Variants in ASPM observed in about 807,000 individuals in gnomAD.
The protein encoded by ASPM is assembly factor for spindle microtubules.
Under a neutral mutation model 366.4 loss-of-function variants are expected in ASPM, and 256 were observed. The ratio of observed to expected loss-of-function variants is 0.70; its 90% confidence interval spans 0.63 to 0.77. ASPM has a LOEUF of 0.77. Among genes scored for constraint, ASPM ranks in the 30% least tolerant of loss-of-function variants. The pLI, the probability that ASPM is intolerant of heterozygous loss-of-function variation, is 0.00. For missense variants in ASPM, 4,146 were observed against 4,090.4 expected, an observed-to-expected ratio of 1.01 and a Z score of -0.37; for synonymous variants, 1,414 against 1,342.9, an observed-to-expected ratio of 1.05 and a Z score of -1.16.
At position 197,133,420 on chromosome 1, in the gene ASPM, T is replaced by G. The variant is rs1210516223; in HGVS notation, c.2349A>C (p.Lys783Asn). Residue 783 changes from lysine (K) to asparagine (N), a missense_variant, in exon 6 of 28, where the codon AAA becomes AAC. Lys to Asn is a moderately conservative substitution (Grantham distance 94, BLOSUM62 0). Coordinates refer to ENST00000367409, the MANE Select transcript of ASPM (RefSeq NM_018136.5). ...TAGCTTCAATTTCAATTTCAAGCTT[T>G]TTAATAGCTTTAACCATTTTTTCAG... Reference protein sequence around the residue: ...FTSEKMVKAIKKLEIEIEARR... With the variant: ...FTSEKMVKAINKLEIEIEARR... 1.2e-6 allele frequency: 2 copies of G among 1,614,096 alleles called. No homozygotes were observed. The highest frequency in any genetic ancestry group is 4.5e-5 in the East Asian group (2 of 44,856).
Position 197,101,128 on chromosome 1 carries a change from T to C in ASPM, c.8123A>G (p.Tyr2708Cys), listed in dbSNP as rs2125093735. Residue 2708 changes from tyrosine (Y) to cysteine (C), a missense_variant, in exon 18 of 28, where the codon TAT (tyrosine) becomes TGT (cysteine). Physicochemically the swap from Tyr to Cys is radical, Grantham distance 194 (BLOSUM62 -2). Coordinates refer to ENST00000367409, the MANE Select transcript of ASPM (RefSeq NM_018136.5). Reference protein sequence around the residue: ...FYRMHRAKVDYETKKTAIVVI... With the variant: ...FYRMHRAKVDCETKKTAIVVI... ...CACAATTGCAGTTTTCTTTGTTTCA[T>C]AATCAACTTTGGCCCTGTGCATTCG... The C allele has an allele frequency of 2.5e-6, 4 of 1,612,300 alleles. No homozygotes were observed. The highest frequency in any genetic ancestry group is 1.1e-5 in the South Asian group (1 of 91,046).
rs754534772 is a variant in ASPM, at chr1:197,104,835, T to C, written c.4416A>G (p.Gln1472=). ...ATTCTTTATGCATTCTATACCATGA[T>C]TGTATGATAATAGCAGAATTTTCTT... is the stretch of plus-strand genomic sequence containing the variant. ...AKEENSAIII[Q]SWYRMHKELR... is the part of the protein sequence containing the mutation. Residue 1472 remains glutamine (Q), a synonymous_variant, in exon 18 of 28, where the codon CAA becomes CAG. Coordinates refer to ENST00000367409, the MANE Select transcript of ASPM (RefSeq NM_018136.5). 9 of 1,594,176 alleles carry C rather than the reference T, an allele frequency of 5.6e-6. No homozygotes were observed. Among genetic ancestry groups the C allele is most frequent in the Non-Finnish European group, 7.7e-6 (9 of 1,170,864 alleles).
At chr1:197,088,070 C>A (rs1656654909) in intron 26 of ASPM, 186 bp downstream of exon 26, 4 of 595,836 alleles carry the variant, frequency 6.7e-6, no homozygotes, top group South Asian at 4.7e-5. Flanking sequence ...AATTCAGTTT[C>A]TTTAATAGTC....
At chr1:197,086,444 T>C (rs1656590533) in intron 27 of ASPM, among the ~76,000 whole-genome samples, 1 of 152,160 alleles carries the variant, frequency 6.6e-6, no homozygotes, top group African/African-American at 2.4e-5. Context: ...GACTGGAGGT[T>C]GATATTTTGG....
Position 197,104,802 on chromosome 1 carries a change from T to C in ASPM, c.4449A>G (p.Lys1483=), listed in dbSNP as rs2878749. Reference sequence around the variant, plus strand: ...CAACACAAGATCTAATATAAATATATTTCCGTAATTCTTTATGCATTCTAT... The same window carrying C: ...CAACACAAGATCTAATATAAATATACTTCCGTAATTCTTTATGCATTCTAT... ...SWYRMHKELR[K]YIYIRSCVVI... The change falls in exon 18 of 28, where the codon AAA becomes AAG. Residue 1483 remains lysine, a synonymous_variant. Coordinates refer to ENST00000367409, the MANE Select transcript of ASPM (RefSeq NM_018136.5). The C allele has an allele frequency of 0.39, 615,769 of 1,577,952 alleles. 127,751 individuals are homozygous for C. The highest frequency in any genetic ancestry group is 0.43 in the Non-Finnish European group (504,529 of 1,165,034).
At chr1:197,090,467 A>G in intron 23 of ASPM, 79 bp from the exon 24 acceptor site, 3 of 1,124,720 alleles carry the variant, frequency 2.7e-6, no homozygotes, top group Non-Finnish European at 3.8e-6. Context: ...TTCACAATGT[A>G]AACATTTTCA....
At chr1:197,095,970 C>T (rs780087812) in intron 19 of ASPM, 28 bp downstream of exon 19, 3 of 1,573,590 alleles carry the variant, frequency 1.9e-6, no homozygotes, top group Admixed American at 3.4e-5. Context: ...AATACTTTTA[C>T]ACTCTCCACA....
chr1:197,113,749 C>T (rs1320916084), intron 17 of ASPM, among the ~76,000 whole-genome samples: 1 of 152,202 alleles, frequency 6.6e-6, no homozygotes, highest in East Asian at 1.9e-4. Context: ...TAATAACAAT[C>T]ATAGTATAAC....
intron 25 of ASPM, 66 bp downstream of exon 25, chr1:197,089,864 C>T (rs1656719307): frequency 1.3e-6 from 2 of 1,529,222 alleles, no homozygotes; most frequent in South Asian, 1.1e-5. Context: ...TGAGTAAACC[C>T]AAACTTAATT....
At chr1:197,095,179 A>T (rs901626079) in intron 19 of ASPM, among the ~76,000 whole-genome samples, 11 of 151,782 alleles carry the variant, frequency 7.2e-5, no homozygotes, top group African/African-American at 2.4e-4. Flanking sequence ...GCTACTAAAC[A>T]GTAAATCTTA....
At position 197,104,454 on chromosome 1, in the gene ASPM, T is replaced by C. The variant is rs1413319164; in HGVS notation, c.4797A>G (p.Arg1599=). 3 of 1,612,910 alleles carry C rather than the reference T, an allele frequency of 1.9e-6. No individual in the cohort carries two copies. The highest frequency in any genetic ancestry group is 2.5e-6 in the Non-Finnish European group (3 of 1,179,384). Residue 1599 remains arginine (R), a synonymous_variant, in exon 18 of 28, where the codon CGA becomes CGG. Transcript: ENST00000367409. ...CTTTCTTCATCTTCTTATATTTCTG[T>C]CGTTGTTGATGTTTTCTTACATGTG... ...FQAHVRKHQQ[R]QKYKKMKKAA...
Position 197,101,971 on chromosome 1 carries a change from A to T in ASPM, c.7280T>A (p.Phe2427Tyr). The change falls in exon 18 of 28, where the codon TTC (phenylalanine) becomes TAC (tyrosine). Residue 2427 changes from phenylalanine (F) to tyrosine (Y), a missense_variant. Phe to Tyr is a conservative substitution (Grantham distance 22). Around this residue, in one of 3 missense-constraint regions of ASPM, gnomAD observed 3,624 missense variants for 3,591.7 expected, o/e 1.01. Coordinates refer to ENST00000367409, the MANE Select transcript of ASPM (RefSeq NM_018136.5). Reference sequence around the variant, plus strand: ...AATAGTAGCTTTTTTGAGGGAAATGAATCTTCTCCTCACCAGTAATGATCT... The same window carrying T: ...AATAGTAGCTTTTTTGAGGGAAATGTATCTTCTCCTCACCAGTAATGATCT... Reference protein sequence around the residue: ...RFRSLLVRRRFISLKKATIFV... With the variant: ...RFRSLLVRRRYISLKKATIFV... 4 of 1,612,816 alleles carry T rather than the reference A, an allele frequency of 2.5e-6. No homozygotes were observed. The highest frequency in any genetic ancestry group is 3.4e-6 in the Non-Finnish European group (4 of 1,179,288).
chr1:197,139,905 T>A, intron 3 of ASPM, 34 bp from the exon 4 acceptor site: 2 of 1,435,154 alleles, frequency 1.4e-6, no homozygotes, highest in Non-Finnish European at 2.0e-6. Context: ...CTAAGAGCAT[T>A]AAAATACAAA....
chr1:197,128,358 A>AAAAC, intron 10 of ASPM, 132 bp downstream of exon 10: 1 of 942,472 alleles, frequency 1.1e-6, no homozygotes. Context: ...AAAAAAAAAA[A>AAAAC]CCTCAATTTT....
At chr1:197,135,353 T>C (rs979559516) in intron 4 of ASPM, 111 bp from the exon 5 acceptor site, 1 of 1,112,240 alleles carries the variant, frequency 9.0e-7, no homozygotes, top group Non-Finnish European at 1.4e-6. Flanking sequence ...CTGAACAATA[T>C]TTGCTTTTCT....
chr1:197,142,886 C>G lies in ASPM; in HGVS notation c.1366G>C (p.Glu456Gln), dbSNP rs199422141. 6.8e-6 allele frequency: 11 copies of G among 1,613,436 alleles called. No individual in the cohort carries two copies. The highest frequency in any genetic ancestry group is 9.3e-6 in the Non-Finnish European group (11 of 1,179,548). ...SPKAIFEELV[E>Q]MKSNYYSFIK... ...AAACTGTAGTAATTTGACTTCATTT[C>G]TACTAGTTCTTCAAAAATAGCTTTG... The change falls in exon 3 of 28, where the codon GAA (glutamate) becomes CAA (glutamine). Residue 456 changes from glutamate (E) to glutamine (Q), a missense_variant. Glu to Gln is a conservative substitution (Grantham distance 29). This residue lies in a region of ASPM where 3,624 missense variants were observed against 3,591.7 expected (regional missense o/e 1.01). Coordinates refer to ENST00000367409, the MANE Select transcript of ASPM (RefSeq NM_018136.5).
intron 13 of ASPM, among the ~76,000 whole-genome samples, chr1:197,123,583 A>G (rs890703221): frequency 1.3e-5 from 2 of 152,204 alleles, no homozygotes; most frequent in Non-Finnish European, 2.9e-5. Context: ...TACCATATTT[A>G]GCTATACATA....
chr1:197,135,301 A>G, intron 4 of ASPM, 59 bp from the exon 5 acceptor site: 1 of 1,517,550 alleles, frequency 6.6e-7, no homozygotes, highest in Non-Finnish European at 9.2e-7. Context: ...TGTACAATAT[A>G]CAGCAAAAGT....
In ASPM at chr1:197,124,956, C is replaced by T; in HGVS notation, c.3083-1G>A. ...ATATCCTTAGATAGAATTGTATTTCCTATAAAAGAAAAGGTTGTCCATTAG... is the reference window on the plus strand; with the variant it reads ...ATATCCTTAGATAGAATTGTATTTCTTATAAAAGAAAAGGTTGTCCATTAG... On this transcript the variant is annotated splice_acceptor_variant, in intron 11 of 27. Coordinates refer to ENST00000367409, the MANE Select transcript of ASPM (RefSeq NM_018136.5). LOFTEE classifies it high-confidence loss of function. 6.2e-7 allele frequency: 1 copy of T among 1,610,474 alleles called. No homozygotes were observed. The highest frequency in any genetic ancestry group is 8.5e-7 in the Non-Finnish European group (1 of 1,176,806).
Sources: allele counts gnomAD v4.1 joint callset (sites outside exome capture counted in the v4.1 genomes callset), GRCh38; gene constraint gnomAD v4.1.1; regional missense constraint gnomAD v4.1.1; transcripts MANE v1.5; gene names NCBI Gene and HGNC (gene_info 2026-07-23, HGNC 2026-07-21).